Variants in AGBL1 observed in about 807,000 individuals in gnomAD.
AGBL1 encodes cytosolic carboxypeptidase 4.
A neutral mutation model predicts 118.9 loss-of-function variants in AGBL1; 130 were observed. The ratio of observed to expected loss-of-function variants is 1.09; its 90% CI spans 0.95 to 1.26. The LOEUF (loss-of-function observed/expected upper bound fraction) is 1.26. AGBL1 is among the 50% of genes most tolerant of loss of function. The pLI is 0.00. For missense variants in AGBL1, 1,584 were observed against 1,298.1 expected, an observed-to-expected ratio of 1.22 and a Z score of -3.38; for synonymous variants, 555 against 478.9, an observed-to-expected ratio of 1.16 and a Z score of -2.08.
At chr15:86,541,776 G>C (rs2083500808) in intron 19 of AGBL1, among the ~76,000 whole-genome samples, 1 of 152,012 alleles carries the variant, frequency 6.6e-6, no homozygotes, top group South Asian at 2.1e-4. Flanking sequence ...TGCCTCTAGA[G>C]ACTGAGCCAA....
intron 18 of AGBL1, among the ~76,000 whole-genome samples, chr15:86,477,101 T>C (rs2142114692): frequency 6.6e-6 from 1 of 152,272 alleles, no homozygotes; most frequent in Non-Finnish European, 1.5e-5. Context: ...GGGAAATTTA[T>C]AGCACTCAAT....
At chr15:86,903,732 G>T (rs1418174312) in intron 22 of AGBL1, among the ~76,000 whole-genome samples, 2 of 152,214 alleles carry the variant, frequency 1.3e-5, no homozygotes, top group Non-Finnish European at 2.9e-5. Flanking sequence ...GGGGCACCCA[G>T]TGTGGGGAGG....
intron 22 of AGBL1, among the ~76,000 whole-genome samples, chr15:86,680,803 G>A (rs564120373): frequency 6.6e-6 from 1 of 151,942 alleles, no homozygotes; most frequent in Admixed American, 6.6e-5. Context: ...CTGACCTCAA[G>A]TGATCCACCC....
intron 17 of AGBL1, among the ~76,000 whole-genome samples, chr15:86,365,339 A>G (rs2080871311): frequency 6.6e-6 from 1 of 152,162 alleles, no homozygotes; most frequent in African/African-American, 2.4e-5. Context: ...TTCATCTGGA[A>G]GAACTAATTT....
rs768987352 is a variant in AGBL1, at chr15:86,896,094, G to C, written c.3159-10993G>C. ...TTTTGTTAAAATGTTTTTTCATTTA[G>C]AGAAAAGGCTGTTTAATATTTAAAT... is the stretch of plus-strand genomic sequence containing the variant. On this transcript the variant is annotated intron_variant, in intron 22 of 22. Coordinates refer to ENST00000614907, the MANE Select transcript of AGBL1 (RefSeq NM_001386094.1). Among the ~76,000 whole-genome samples, 199 of 152,000 alleles carry C rather than the reference G, an allele frequency of 1.3e-3. 1 individual carries two copies. The highest frequency in any genetic ancestry group is 3.2e-3 in the Admixed American group (49 of 15,248).
At chr15:86,720,809 A>C (rs1489273048) in intron 22 of AGBL1, among the ~76,000 whole-genome samples, 3 of 152,216 alleles carry the variant, frequency 2.0e-5, no homozygotes, top group Non-Finnish European at 4.4e-5. Flanking sequence ...AAAAATGATA[A>C]AGGGGATATC....
Position 86,603,805 on chromosome 15 carries a change from C to G in AGBL1, c.2994+49268C>G, listed in dbSNP as rs1225098039. On this transcript the variant is annotated intron_variant, in intron 21 of 22. Coordinates refer to ENST00000614907, the MANE Select transcript of AGBL1 (RefSeq NM_001386094.1). ...GAAGGAACCCAGAGGGCCCTGTGGA[C>G]ATTTGCAGCAGTCTGTTTGCCATTT... is the stretch of plus-strand genomic sequence containing the variant. Among the ~76,000 whole-genome samples, 4 of 152,298 alleles carry G rather than the reference C, an allele frequency of 2.6e-5. No homozygotes were observed. The East Asian group carries it at 7.7e-4, about 29-fold the overall frequency.
chr15:86,337,312 G>A (rs1420123022), intron 17 of AGBL1, among the ~76,000 whole-genome samples: 1 of 151,984 alleles, frequency 6.6e-6, no homozygotes, highest in Non-Finnish European at 1.5e-5. Context: ...TGTATTACCA[G>A]TAGGCTTTTT....
At chr15:86,088,329 C>T (rs1260918891) in intron 1 of AGBL1, 1 of 152,282 alleles carries the variant, frequency 6.6e-6, no homozygotes, top group Non-Finnish European at 1.5e-5. Flanking sequence ...GTTCTCAACT[C>T]CCAGGGTGCC....
At chr15:86,438,819 G>A (rs896474737) in intron 18 of AGBL1, among the ~76,000 whole-genome samples, 5 of 151,890 alleles carry the variant, frequency 3.3e-5, no homozygotes, top group South Asian at 2.1e-4. Context: ...CTGCCACCAT[G>A]CCTAGCTAAT....
chr15:86,450,869 T>G (rs2082184359), intron 18 of AGBL1, among the ~76,000 whole-genome samples: 1 of 152,196 alleles, frequency 6.6e-6, no homozygotes, highest in African/African-American at 2.4e-5. Flanking sequence ...ATTTTATTTA[T>G]CTTCATTAGT....
chr15:86,327,818 A>G (rs1205272732), intron 17 of AGBL1, among the ~76,000 whole-genome samples: 2 of 152,176 alleles, frequency 1.3e-5, no homozygotes, highest in Non-Finnish European at 2.9e-5. Context: ...AAGCACAGCT[A>G]TTCTAATTTA....
At chr15:86,198,031 A>G (rs1183609975) in intron 5 of AGBL1, among the ~76,000 whole-genome samples, 1 of 152,202 alleles carries the variant, frequency 6.6e-6, no homozygotes, top group Admixed American at 6.5e-5. Flanking sequence ...AGGCCAAGCT[A>G]TCTCTTCCTG....
chr15:86,207,316 C>A (rs116328648), intron 5 of AGBL1, among the ~76,000 whole-genome samples: 2 of 152,134 alleles, frequency 1.3e-5, no homozygotes, highest in East Asian at 3.8e-4. Flanking sequence ...TCCATATGAA[C>A]TTTAAAAAGT....
chr15:86,459,851 G>A (rs996831593), intron 18 of AGBL1, among the ~76,000 whole-genome samples: 1 of 152,078 alleles, frequency 6.6e-6, no homozygotes. Flanking sequence ...AACGGGTACA[G>A]CTACTCTTAT....
At chr15:86,358,343 T>C (rs1251750559) in intron 17 of AGBL1, among the ~76,000 whole-genome samples, 1 of 152,132 alleles carries the variant, frequency 6.6e-6, no homozygotes, top group Non-Finnish European at 1.5e-5. Flanking sequence ...TCATCCATAC[T>C]GTCATGAATG....
intron 17 of AGBL1, among the ~76,000 whole-genome samples, chr15:86,338,697 G>T (rs1019356646): frequency 1.3e-5 from 2 of 152,110 alleles, no homozygotes; most frequent in Non-Finnish European, 2.9e-5. Context: ...AGTCATCAAG[G>T]ATGACTCCCA....
chr15:86,400,781 A>C (rs2081432806), intron 18 of AGBL1, among the ~76,000 whole-genome samples: 1 of 152,030 alleles, frequency 6.6e-6, no homozygotes, highest in South Asian at 2.1e-4. Flanking sequence ...TGCAAAGGCC[A>C]TTATTTCATT....
chr15:86,825,886 T>TA (rs1395023404), intron 22 of AGBL1, among the ~76,000 whole-genome samples: 1,770 of 117,052 alleles, frequency 0.015, 17 homozygotes, highest in East Asian at 0.057. Context: ...GATAGATGGA[T>TA]GGATAGATAG....
Sources: allele counts gnomAD v4.1 joint callset (sites outside exome capture counted in the v4.1 genomes callset), GRCh38; gene constraint gnomAD v4.1.1; transcripts MANE v1.5; gene names NCBI Gene and HGNC (gene_info 2026-07-23, HGNC 2026-07-21).